CNTNAP2: variants seen among roughly 807,000 people sequenced by gnomAD.
CNTNAP2 encodes contactin associated protein 2, also known as contactin-associated protein-like 2.
A neutral mutation model predicts 155.2 loss-of-function variants in CNTNAP2; 98 were observed. The ratio of observed to expected loss-of-function variants is 0.63; its 90% confidence interval spans 0.54 to 0.75. CNTNAP2 has a LOEUF of 0.75. Among genes scored for constraint, CNTNAP2 ranks in the 30% least tolerant of loss-of-function variants. The probability of loss-of-function intolerance (pLI) is 0.00; values close to 1 mark genes in which losing one functional copy is unlikely to be tolerated. For synonymous variants in CNTNAP2, 651 were observed against 631.2 expected (o/e 1.03, Z -0.47); for missense variants, 1,727 against 1,688.1 (o/e 1.02, Z -0.40).
intron 9 of CNTNAP2, among the ~76,000 whole-genome samples, chr7:147,312,433 C>T (rs1470496288): frequency 7.2e-6 from 1 of 139,442 alleles, no homozygotes; most frequent in Non-Finnish European, 1.5e-5. Context: ...CACAACAGTC[C>T]CCAGAGTGTG....
chr7:146,745,963 A>T (rs759507882), intron 1 of CNTNAP2, among the ~76,000 whole-genome samples: 11 of 152,188 alleles, frequency 7.2e-5, no homozygotes, highest in Non-Finnish European at 1.2e-4. Flanking sequence ...AAATCTCTTC[A>T]TTAAGCACTG....
intron 12 of CNTNAP2, among the ~76,000 whole-genome samples, chr7:147,608,884 G>A (rs1801125757): frequency 6.6e-6 from 1 of 152,150 alleles, no homozygotes; most frequent in Non-Finnish European, 1.5e-5. Flanking sequence ...GTCAAAGGGG[G>A]TTGTTCTCTG....
intron 8 of CNTNAP2, among the ~76,000 whole-genome samples, chr7:147,204,866 A>G (rs541168461): frequency 3.3e-5 from 5 of 152,282 alleles, no homozygotes; most frequent in Non-Finnish European, 5.9e-5. Flanking sequence ...CTAAGGTAAG[A>G]AAATATCATT....
chr7:147,590,968 T>TCTTCCCAAATATTCCACAAGCTC (rs1266487548), intron 12 of CNTNAP2, among the ~76,000 whole-genome samples: 3 of 152,328 alleles, frequency 2.0e-5, no homozygotes, highest in African/African-American at 7.2e-5. Flanking sequence ...TGCTGATATC[T>TCTTCCCAAATATTCCACAAGCTC]CTTCCCAAAT....
intron 1 of CNTNAP2, among the ~76,000 whole-genome samples, chr7:146,651,590 GTTC>G (rs1799912663): frequency 6.6e-6 from 1 of 152,096 alleles, no homozygotes; most frequent in Non-Finnish European, 1.5e-5. Flanking sequence ...ATTTTATGAA[GTTC>G]TTCTTAGTGT....
intron 1 of CNTNAP2, among the ~76,000 whole-genome samples, chr7:146,556,418 G>A (rs1798198663): frequency 1.3e-5 from 2 of 152,176 alleles, no homozygotes; most frequent in African/African-American, 4.8e-5. Flanking sequence ...TTACCTCACA[G>A]TTCTGATAGG....
intron 1 of CNTNAP2, among the ~76,000 whole-genome samples, chr7:146,249,879 T>C (rs533549874): frequency 7.2e-5 from 11 of 152,218 alleles, no homozygotes; most frequent in Non-Finnish European, 1.2e-4. Context: ...ATGAGAGACT[T>C]TTCTTGAAAA....
intron 13 of CNTNAP2, among the ~76,000 whole-genome samples, chr7:147,803,046 C>T (rs1187648365): frequency 3.3e-5 from 5 of 152,004 alleles, no homozygotes; most frequent in East Asian, 3.9e-4. Flanking sequence ...GAAAAATTTA[C>T]GATTGTGAAA....
chr7:146,640,359 C>T (rs749627180), intron 1 of CNTNAP2, among the ~76,000 whole-genome samples: 10 of 152,108 alleles, frequency 6.6e-5, no homozygotes, highest in Non-Finnish European at 1.2e-4. Flanking sequence ...GTGGCTGGTT[C>T]TAATTTGCAC....
At chr7:146,625,025 A>T (rs1232573821) in intron 1 of CNTNAP2, among the ~76,000 whole-genome samples, 1 of 152,030 alleles carries the variant, frequency 6.6e-6, no homozygotes, top group Non-Finnish European at 1.5e-5. Flanking sequence ...GATTAAATAG[A>T]TATACAAGTA....
chr7:146,142,467 C>A (rs998161518), intron 1 of CNTNAP2, among the ~76,000 whole-genome samples: 1 of 152,100 alleles, frequency 6.6e-6, no homozygotes, highest in South Asian at 2.1e-4. Context: ...ATAAAGAACA[C>A]CCAAGTTTTC....
chr7:146,640,495 A>G (rs942838859), intron 1 of CNTNAP2, among the ~76,000 whole-genome samples: 2 of 152,182 alleles, frequency 1.3e-5, no homozygotes. Flanking sequence ...TTTCCTTGCA[A>G]TGTGTAGAGT....
chr7:147,401,413 A>T (rs1412161925), intron 10 of CNTNAP2, among the ~76,000 whole-genome samples: 1 of 152,134 alleles, frequency 6.6e-6, no homozygotes, highest in African/African-American at 2.4e-5. Context: ...TTTTTAATTC[A>T]ATGCTTTATT....
intron 3 of CNTNAP2, among the ~76,000 whole-genome samples, chr7:146,841,829 G>C (rs907880682): frequency 6.6e-6 from 1 of 151,262 alleles, no homozygotes; most frequent in Non-Finnish European, 1.5e-5. Context: ...ACGGCTAAAT[G>C]CAGAGACATA....
chr7:147,325,089 G>C (rs1033311985), intron 9 of CNTNAP2, among the ~76,000 whole-genome samples: 3 of 152,042 alleles, frequency 2.0e-5, no homozygotes, highest in Non-Finnish European at 4.4e-5. Context: ...AATCACTTGA[G>C]GTCAGGAGTT....
chr7:147,434,108 A>G (rs1797509115), intron 10 of CNTNAP2, among the ~76,000 whole-genome samples: 1 of 152,204 alleles, frequency 6.6e-6, no homozygotes, highest in African/African-American at 2.4e-5. Flanking sequence ...CTGAGCATAG[A>G]AAGTGAAGAA....
chr7:148,100,195 G>C (rs73472226), intron 15 of CNTNAP2, among the ~76,000 whole-genome samples: 22,627 of 151,832 alleles, frequency 0.15, 4,561 homozygotes, highest in African/African-American at 0.46. Flanking sequence ...TTGAAGACTT[G>C]TTGGACTCTT....
chr7:146,246,641 C>T (rs1490931921), intron 1 of CNTNAP2, among the ~76,000 whole-genome samples: 1 of 151,540 alleles, frequency 6.6e-6, no homozygotes, highest in Non-Finnish European at 1.5e-5. Flanking sequence ...CCGACAGCAT[C>T]AGTCTTCAGC....
chr7:146,751,204 C>T (rs28373406), intron 1 of CNTNAP2, among the ~76,000 whole-genome samples: 1,555 of 152,108 alleles, frequency 0.01, 31 homozygotes, highest in African/African-American at 0.033. Context: ...TGCTCAAATT[C>T]GAGCATACAA....
Sources: gnomAD v4.1 joint callset for allele counts (sites outside exome capture counted in the v4.1 genomes callset) on GRCh38, gnomAD v4.1.1 for gene constraint, MANE v1.5 for transcripts, NCBI Gene and HGNC (gene_info 2026-07-23, HGNC 2026-07-21) for gene names.